The following COL17A1 variants were observed in gnomAD, a reference collection of about 807,000 sequenced individuals.
COL17A1 encodes collagen type XVII alpha 1 chain.
COL17A1 carries 181 observed loss-of-function variants against 218.4 expected under a neutral mutation model. The observed-to-expected ratio is 0.83, with a 90% CI of 0.73 to 0.94. The LOEUF (loss-of-function observed/expected upper bound fraction) is 0.94. COL17A1 is among the 40% of genes least tolerant of loss of function. COL17A1 has a pLI of 0.00. For missense variants in COL17A1, 1,924 were observed against 1,945.9 expected (o/e 0.99, Z 0.21); for synonymous variants, 721 against 731.0 (o/e 0.99, Z 0.22).
chr10:104,051,613 T>C, intron 24 of COL17A1, 97 bp from the exon 25 acceptor site: 1 of 1,480,658 alleles, frequency 6.8e-7, no homozygotes, highest in Admixed American at 1.9e-5. Flanking sequence ...GGACGCTGTC[T>C]TCCAGGTGAG....
rs937745498 is a variant in COL17A1, at chr10:104,034,874, G to A, written c.3620-107C>T. On this transcript the variant is annotated intron_variant, in intron 50 of 55. Coordinates refer to ENST00000648076, the MANE Select transcript of COL17A1 (RefSeq NM_000494.4). ...GGCCCCACCTGAAAGGAGGGGATGA[G>A]GCTGGGCCTCCCGGGTGATGGGAGG... is the stretch of plus-strand genomic sequence containing the variant. The A allele has an allele frequency of 4.3e-6, 6 of 1,404,604 alleles. No individual in the cohort carries two copies. In the Admixed American group the frequency reaches 6.7e-5, roughly 16 times the overall value. 87.0% of individuals were successfully genotyped at this position (1,404,604 alleles called of 1,614,324 possible).
intron 28 of COL17A1, 97 bp from the exon 29 acceptor site, chr10:104,049,568 G>C (rs997742018): frequency 3.7e-6 from 5 of 1,356,392 alleles, no homozygotes; most frequent in Admixed American, 3.5e-5. Flanking sequence ...CAAGGAAGCA[G>C]CTTCTGCTTT....
intron 6 of COL17A1, 22 bp downstream of exon 6, chr10:104,074,162 A>G (rs2086690312): frequency 6.2e-7 from 1 of 1,613,972 alleles, no homozygotes. Context: ...CCATTTCTTT[A>G]GAAAATAAGG....
In COL17A1 at chr10:104,059,547, C is replaced by T. The variant is rs978641517; in HGVS notation, c.1222+91G>A. The T allele has an allele frequency of 3.7e-5, 45 of 1,225,724 alleles. No individual in the cohort carries two copies. In the East Asian group the frequency reaches 9.8e-4, roughly 27 times the overall value. 75.9% of individuals were successfully genotyped at this position (1,225,724 alleles called of 1,614,324 possible). On this transcript the variant is annotated intron_variant, in intron 15 of 55. Transcript: ENST00000648076. ...GTGGCTGATGCTGCTGGCCCGTGGA[C>T]CACACTTTGAGTAGCAAGGTCTCCG...
Position 104,076,312 on chromosome 10 carries a change from T to C in COL17A1, c.320A>G (p.His107Arg), listed in dbSNP as rs1247421367. ...AGTGGGACTGATACCTTCATACGCA[T>C]GGCGGGTAACGTGAGTTTTCCTTTC... ...TFERKTHVTRHAYEGSSSGNS... is the reference protein window; with the variant it reads ...TFERKTHVTRRAYEGSSSGNS... Residue 107 changes from histidine (H) to arginine (R), a missense_variant, in exon 5 of 56, where the codon CAT (histidine) becomes CGT (arginine). Transcript: ENST00000648076. The C allele has an allele frequency of 6.2e-6, 10 of 1,614,120 alleles. No homozygotes were observed. The highest frequency in any genetic ancestry group is 6.8e-6 in the Non-Finnish European group (8 of 1,179,990).
Position 104,031,473 on chromosome 10 carries a change from A to G in COL17A1, c.*762T>C, listed in dbSNP as rs1012563077. 3.9e-5 allele frequency: 6 copies of G among 152,602 alleles called. No individual in the cohort carries two copies. The highest frequency in any genetic ancestry group is 7.3e-5 in the Non-Finnish European group (5 of 68,054). 9.5% of individuals were successfully genotyped at this position (152,602 alleles called of 1,614,324 possible). A position where few individuals can be genotyped will look rare whatever the true frequency, so the allele number is the denominator to read the frequency against. The stretch of plus-strand genomic sequence containing the variant: ...CTTGAGCTGATGCTGTGTCCCCAGC[A>G]TCAGGTTTTCTGTTTTCCCTCTTCT... On this transcript the variant is annotated 3_prime_UTR_variant, in exon 56 of 56. Transcript: ENST00000648076.
At chr10:104,039,541 A>C in intron 42 of COL17A1, 22 bp from the exon 43 acceptor site, 1 of 1,614,128 alleles carries the variant, frequency 6.2e-7, no homozygotes, top group Non-Finnish European at 8.5e-7. Flanking sequence ...CAACACACAC[A>C]GTGCAGTCAG....
rs1250621893 is a variant in COL17A1, at chr10:104,070,334, C to T, written c.607+92G>A. 3.8e-6 allele frequency: 6 copies of T among 1,580,766 alleles called. No homozygotes were observed. In the East Asian group the frequency reaches 1.2e-4, roughly 30 times the overall value. On this transcript the variant is annotated intron_variant, in intron 9 of 55. Coordinates refer to ENST00000648076, the MANE Select transcript of COL17A1 (RefSeq NM_000494.4). ...GGGCCCCAATTTCAAGTCTCACTTT[C>T]ACTGTTCTCTGGGTCTCTGAGTCCA...
At chr10:104,063,842 G>A (rs1157319700) in intron 10 of COL17A1, 24 bp from the exon 11 acceptor site, 1 of 1,613,804 alleles carries the variant, frequency 6.2e-7, no homozygotes, top group Non-Finnish European at 8.5e-7. Flanking sequence ...GAGGAAGGCT[G>A]GTGAGAGGGA....
intron 39 of COL17A1, among the ~76,000 whole-genome samples, chr10:104,040,741 G>A (rs937841851): frequency 6.6e-6 from 1 of 152,110 alleles, no homozygotes; most frequent in Non-Finnish European, 1.5e-5. Context: ...TTGTACGGTC[G>A]GCACTTACTT....
At position 104,080,649 on chromosome 10, in the gene COL17A1, G is replaced by A. The variant is rs775196743; in HGVS notation, c.25C>T (p.Arg9Ter). The A allele has an allele frequency of 5.6e-6, 9 of 1,612,944 alleles. No individual in the cohort carries two copies. Among genetic ancestry groups the A allele is most frequent in the Admixed American group, 1.7e-5 (1 of 59,988 alleles). The change falls in exon 2 of 56, where the codon CGA becomes TGA. Residue 9 changes from arginine to a stop codon, truncating the protein, a stop_gained. Coordinates refer to ENST00000648076, the MANE Select transcript of COL17A1 (RefSeq NM_000494.4). LOFTEE classifies it high-confidence loss of function. Reference sequence around the variant, plus strand: ...CTCTCAGTGACTTCAGTTCCATCTCGTTTGTTTTTCTTGGTTACATCCATA... The same window carrying A: ...CTCTCAGTGACTTCAGTTCCATCTCATTTGTTTTTCTTGGTTACATCCATA... Reference protein sequence around the residue: MDVTKKNKRDGTEVTERIV... With the variant: MDVTKKNK
rs78321233 is a variant in COL17A1, at chr10:104,054,313, G to A, written c.1745-195C>T. On this transcript the variant is annotated intron_variant, in intron 20 of 55. Coordinates refer to ENST00000648076, the MANE Select transcript of COL17A1 (RefSeq NM_000494.4). The stretch of plus-strand genomic sequence containing the variant: ...ATGTCCCATGAAATATTTGGGACAA[G>A]TTATAGTGAAAAATTATTTGTTGTT... Among the ~76,000 whole-genome samples the A allele has an allele frequency of 1.5e-4, 23 of 152,346 alleles. No individual in the cohort carries two copies. The East Asian group carries it at 1.9e-3, about 13-fold the overall frequency.
Position 104,043,844 on chromosome 10 carries a change from T to C in COL17A1, c.2415A>G (p.Pro805=). Residue 805 remains proline (P), a synonymous_variant, in exon 34 of 56, where the codon CCA becomes CCG. Coordinates refer to ENST00000648076, the MANE Select transcript of COL17A1 (RefSeq NM_000494.4). ...RPGIKGEPGA[P]GKIVTSEGSS... is the part of the protein sequence containing the mutation. ...GCCTACCCGAAGTCACGATCTTGCC[T>C]GGAGCTCCTGGTTCACCTAGGAAGA... 1 of 1,614,186 alleles carries C rather than the reference T, an allele frequency of 6.2e-7. No homozygotes were observed. The highest frequency in any genetic ancestry group is 1.1e-5 in the South Asian group (1 of 91,078).
chr10:104,045,107 C>G (rs2086395672), intron 33 of COL17A1, among the ~76,000 whole-genome samples: 1 of 152,128 alleles, frequency 6.6e-6, no homozygotes, highest in South Asian at 2.1e-4. Context: ...TCCCTGAGCA[C>G]TGTGGGTCCC....
chr10:104,034,351 TG>T lies in COL17A1; in HGVS notation c.3767-18del. 1.3e-6 allele frequency: 2 copies of T among 1,540,118 alleles called. No individual in the cohort carries two copies. Among genetic ancestry groups the T allele is most frequent in the Non-Finnish European group, 1.7e-6 (2 of 1,149,764 alleles). On this transcript the variant is annotated intron_variant, in intron 51 of 55. Coordinates refer to ENST00000648076, the MANE Select transcript of COL17A1 (RefSeq NM_000494.4). ...CATCAGGACCTGCAGGGTGAGAAGC[TG>T]CATGAGTGGGAGCTCAGATCTCGGT...
chr10:104,064,911 C>T (rs1019812800), intron 9 of COL17A1, among the ~76,000 whole-genome samples: 3 of 152,208 alleles, frequency 2.0e-5, no homozygotes, highest in African/African-American at 7.2e-5. Context: ...CCACCAATGG[C>T]ATTCCTCTCC....
chr10:104,041,588 C>G (rs779677131), intron 36 of COL17A1, 50 bp from the exon 37 acceptor site: 9 of 1,497,830 alleles, frequency 6.0e-6, no homozygotes, highest in African/African-American at 4.1e-5. Context: ...CGAGGCTGCT[C>G]TCTGCCACAC....
chr10:104,047,894 G>A, intron 30 of COL17A1, 84 bp from the exon 31 acceptor site: 1 of 1,432,166 alleles, frequency 7.0e-7, no homozygotes, highest in South Asian at 1.1e-5. Flanking sequence ...AGTTTCTGAG[G>A]GTTTTCCTAA....
rs1265449780 is a variant in COL17A1, at chr10:104,053,968, A to G, written c.1786T>C (p.Leu596=). 6.2e-7 allele frequency: 1 copy of G among 1,611,718 alleles called. No homozygotes were observed. The highest frequency in any genetic ancestry group is 1.7e-5 in the Admixed American group (1 of 60,008). ...GGTCCTTGTGGACCTGGGTGGCCCAAGGGCCCAGGGATACCTGTGAACACA... is the reference window on the plus strand; with the variant it reads ...GGTCCTTGTGGACCTGGGTGGCCCAGGGGCCCAGGGATACCTGTGAACACA... ...FPGTPGIPGP[L]GHPGPQGPKG... The change falls in exon 22 of 56, where the codon TTG becomes CTG. Residue 596 remains leucine, a synonymous_variant. Coordinates refer to ENST00000648076, the MANE Select transcript of COL17A1 (RefSeq NM_000494.4).
Sources: allele counts gnomAD v4.1 joint callset (sites outside exome capture counted in the v4.1 genomes callset), GRCh38; gene constraint gnomAD v4.1.1; transcripts MANE v1.5; gene names NCBI Gene and HGNC (gene_info 2026-07-23, HGNC 2026-07-21).